Variants in NCOR1 observed in about 807,000 individuals in gnomAD.
NCOR1 encodes the protein protein phosphatase 1, regulatory subunit 109.
NCOR1 carries 63 observed loss-of-function variants against 288.1 expected under a neutral mutation model. The observed-to-expected ratio is 0.22, with a 90% CI of 0.18 to 0.27. The LOEUF is 0.27. NCOR1 is among the 10% of genes least tolerant of loss of function. The probability of loss-of-function intolerance (pLI) is 1.00; values close to 1 mark genes in which losing one functional copy is unlikely to be tolerated. For synonymous variants in NCOR1, 1,007 were observed against 1,065.9 expected (o/e 0.94, Z 1.08); for missense variants, 2,397 against 3,019.2 (o/e 0.79, Z 4.83).
intron 4 of NCOR1, among the ~76,000 whole-genome samples, chr17:16,166,010 T>G (rs1432323548): frequency 6.6e-6 from 1 of 152,174 alleles, no homozygotes; most frequent in Non-Finnish European, 1.5e-5. Context: ...CTGTGAAAAG[T>G]CAATAGTTCT....
Position 16,075,706 on chromosome 17 carries a change from C to A in NCOR1, c.3502-4G>T, listed in dbSNP as rs772044273. ...TCTGGGGCAGAGCCGGGGTGCCCTG[C>A]CATCAAATCAAGCATAAATAGCAGA... On this transcript the variant is annotated splice_region_variant and splice_polypyrimidine_tract_variant and intron_variant, in intron 26 of 45. Coordinates refer to ENST00000268712, the MANE Select transcript of NCOR1 (RefSeq NM_006311.4). The A allele has an allele frequency of 6.2e-7, 1 of 1,613,724 alleles. No homozygotes were observed. The highest frequency in any genetic ancestry group is 8.5e-7 in the Non-Finnish European group (1 of 1,179,842).
chr17:16,210,528 T>C (rs1228113397), intron 1 of NCOR1, among the ~76,000 whole-genome samples: 1 of 152,180 alleles, frequency 6.6e-6, no homozygotes, highest in African/African-American at 2.4e-5. Flanking sequence ...AAAGACATTT[T>C]TGTTTAAGAA....
chr17:16,136,040 C>T (rs187817389), intron 14 of NCOR1, among the ~76,000 whole-genome samples: 1 of 152,294 alleles, frequency 6.6e-6, no homozygotes, highest in East Asian at 1.9e-4. Context: ...GGCAGTAGCG[C>T]AGCAGTCTCT....
intron 44 of NCOR1, among the ~76,000 whole-genome samples, chr17:16,037,821 G>A (rs2056730062): frequency 6.6e-6 from 1 of 152,206 alleles, no homozygotes; most frequent in African/African-American, 2.4e-5. Flanking sequence ...ACAGAAGTGA[G>A]ACACCTCTGA....
Position 16,215,391 on chromosome 17 carries a change from T to A in NCOR1, c.-100A>T. 5.1e-6 allele frequency: 2 copies of A among 395,402 alleles called. No homozygotes were observed. Among genetic ancestry groups the A allele is most frequent in the Non-Finnish European group, 8.9e-6 (2 of 223,918 alleles). The allele number at this position is 395,402 out of a possible 1,614,324, so 24.5% of individuals were successfully genotyped here. A position where few individuals can be genotyped will look rare whatever the true frequency, so the allele number is the denominator to read the frequency against. ...AGCTGGCTAAGCGTGGGAGCCGACG[T>A]GCGCCCCGGCCTGAGGAGTGGGACG... On this transcript the variant is annotated 5_prime_UTR_variant, in exon 1 of 46. Coordinates refer to ENST00000268712, the MANE Select transcript of NCOR1 (RefSeq NM_006311.4).
chr17:16,162,173 T>C (rs533519705), intron 5 of NCOR1, among the ~76,000 whole-genome samples: 5 of 152,054 alleles, frequency 3.3e-5, no homozygotes, highest in South Asian at 4.2e-4. Context: ...GTTGTTGAAA[T>C]TGAAGACAGA....
chr17:16,035,117 G>A (rs1973976950), intron 44 of NCOR1, among the ~76,000 whole-genome samples, 173 bp from the exon 45 acceptor site: 1 of 152,190 alleles, frequency 6.6e-6, no homozygotes, highest in African/African-American at 2.4e-5. Flanking sequence ...GATACTGAGG[G>A]TTTAGTAAGT....
chr17:16,201,303 C>T (rs2090768383), intron 1 of NCOR1, among the ~76,000 whole-genome samples: 1 of 152,078 alleles, frequency 6.6e-6, no homozygotes, highest in Admixed American at 6.6e-5. Flanking sequence ...TACACATACT[C>T]AATAAGTAAT....
chr17:16,206,753 G>A (rs1272706558), intron 1 of NCOR1, among the ~76,000 whole-genome samples: 1 of 151,998 alleles, frequency 6.6e-6, no homozygotes, highest in Non-Finnish European at 1.5e-5. Context: ...AGAGGTAACT[G>A]AAATAAATAG....
chr17:16,033,264 G>A (rs973521666), intron 45 of NCOR1, among the ~76,000 whole-genome samples: 1 of 150,812 alleles, frequency 6.6e-6, no homozygotes, highest in African/African-American at 2.5e-5. Context: ...GAACCCAGGA[G>A]GCGGAGGTTG....
intron 34 of NCOR1, among the ~76,000 whole-genome samples, chr17:16,064,503 T>C (rs1216230128): frequency 9.2e-5 from 14 of 151,914 alleles, no homozygotes; most frequent in Admixed American, 9.2e-4. Flanking sequence ...CTCCAGAGGC[T>C]GAGGCACGAG....
At chr17:16,049,511 A>G (rs1404501963) in intron 40 of NCOR1, 2 of 152,118 alleles carry the variant, frequency 1.3e-5, no homozygotes, top group Non-Finnish European at 2.9e-5. Context: ...CTGCAATTTT[A>G]TATTTTTTCT....
At position 16,048,975 on chromosome 17, in the gene NCOR1, A is replaced by G. The variant is rs1448919787; in HGVS notation, c.6406T>C (p.Ser2136Pro). Residue 2136 changes from serine to proline, a missense_variant, in exon 41 of 46, where the codon TCC becomes CCC. Transcript: ENST00000268712. The stretch of plus-strand genomic sequence containing the variant: ...GAAGAGACGTGACTCCTCTCTGGGG[A>G]TTTTCCAGGCCTACTATTGTAATAT... ...DKSRGSRPGK[S>P]PERSHVSSEP... is the part of the protein sequence containing the mutation. 3 of 1,607,732 alleles carry G rather than the reference A, an allele frequency of 1.9e-6. No individual in the cohort carries two copies. Among genetic ancestry groups the G allele is most frequent in the African/African-American group, 1.3e-5 (1 of 74,638 alleles).
intron 3 of NCOR1, among the ~76,000 whole-genome samples, chr17:16,182,408 A>G (rs149855703): frequency 6.6e-6 from 1 of 152,220 alleles, no homozygotes; most frequent in African/African-American, 2.4e-5. Context: ...TTAAACACTC[A>G]GGGCCTAAAA....
At chr17:16,140,997 C>CAAA (rs372397821) in intron 11 of NCOR1, among the ~76,000 whole-genome samples, 7 of 113,758 alleles carry the variant, frequency 6.2e-5, no homozygotes, top group East Asian at 5.1e-4. Flanking sequence ...TCTCCTATCT[C>CAAA]AAAAAAAAAA....
chr17:16,032,564 G>C (rs1972298756), intron 45 of NCOR1, 81 bp from the exon 46 acceptor site: 1 of 1,330,522 alleles, frequency 7.5e-7, no homozygotes, highest in Non-Finnish European at 1.0e-6. Context: ...GGATGGAGTA[G>C]AATAGGATTA....
At chr17:16,091,525 T>C (rs773923673) in intron 22 of NCOR1, 74 of 1,088,440 alleles carry the variant, frequency 6.8e-5, no homozygotes, top group Non-Finnish European at 8.0e-5. Context: ...TTGAAGGTGA[T>C]TTGCTTCAAG....
At chr17:16,161,684 A>G (rs991713920) in intron 5 of NCOR1, among the ~76,000 whole-genome samples, 1 of 152,224 alleles carries the variant, frequency 6.6e-6, no homozygotes, top group African/African-American at 2.4e-5. Flanking sequence ...TGTGTGAGAC[A>G]TGATTTAGTC....
rs920913580 is a variant in NCOR1, at chr17:16,030,785, C to G, written c.*1511G>C. On this transcript the variant is annotated 3_prime_UTR_variant, in exon 46 of 46. Transcript: ENST00000268712. The stretch of plus-strand genomic sequence containing the variant: ...CAAAGTACTAAACCTGTGTCTTCAT[C>G]TGTAACATAGGGATTAGACACCAGT... The G allele has an allele frequency of 2.1e-4, 38 of 181,828 alleles. No individual in the cohort carries two copies. The highest frequency in any genetic ancestry group is 8.0e-4 in the African/African-American group (34 of 42,578). 11.3% of individuals were successfully genotyped at this position (181,828 alleles called of 1,614,324 possible).
Sources: allele counts gnomAD v4.1 joint callset (sites outside exome capture counted in the v4.1 genomes callset), GRCh38; gene constraint gnomAD v4.1.1; transcripts MANE v1.5; gene names NCBI Gene and HGNC (gene_info 2026-07-23, HGNC 2026-07-21).